The following SGCG variants were observed in gnomAD, a reference collection of about 807,000 sequenced individuals.
SGCG encodes gamma-sarcoglycan.
A neutral mutation model predicts 29.3 loss-of-function variants in SGCG; 26 were observed. The ratio of observed to expected loss-of-function variants is 0.89; its 90% CI spans 0.65 to 1.23. The LOEUF (loss-of-function observed/expected upper bound fraction) is 1.23, where lower values mean the gene tolerates loss of function less well. SGCG is among the 50% of genes most tolerant of loss of function. The pLI is 0.00. For missense variants in SGCG, 353 were observed against 356.0 expected, an observed-to-expected ratio of 0.99 and a Z score of 0.07; for synonymous variants, 145 against 129.7, an observed-to-expected ratio of 1.12 and a Z score of -0.80.
At chr13:23,240,722 A>G (rs1432875375) in intron 3 of SGCG, among the ~76,000 whole-genome samples, 1 of 152,190 alleles carries the variant, frequency 6.6e-6, no homozygotes, top group Admixed American at 6.5e-5. Context: ...ACCATGGGTC[A>G]AAGAAGAAAT....
At chr13:23,165,119 T>C in the SGCG span, among the ~76,000 whole-genome samples, 1 of 152,188 alleles carries the variant, frequency 6.6e-6, no homozygotes, top group African/African-American at 2.4e-5. Flanking sequence ...TATGACTAGT[T>C]TATTAGAAAC....
chr13:23,281,936 C>T (rs912586129), intron 5 of SGCG, among the ~76,000 whole-genome samples: 2 of 152,202 alleles, frequency 1.3e-5, no homozygotes, highest in African/African-American at 4.8e-5. Context: ...TTCAAGTTAT[C>T]CTTTTAAAGG....
At chr13:23,258,509 C>T (rs2149327) in intron 4 of SGCG, among the ~76,000 whole-genome samples, 54,473 of 151,932 alleles carry the variant, frequency 0.36, 10,504 homozygotes, top group South Asian at 0.5. Flanking sequence ...ACAATTTGAC[C>T]TCCTCTTTTC....
At chr13:23,175,576 T>A in the SGCG span, among the ~76,000 whole-genome samples, 1 of 152,180 alleles carries the variant, frequency 6.6e-6, no homozygotes, top group Non-Finnish European at 1.5e-5. Flanking sequence ...AAATTTTAGG[T>A]AGTACTCTAT....
intron 6 of SGCG, among the ~76,000 whole-genome samples, chr13:23,311,431 G>C (rs1341118760): frequency 6.6e-6 from 1 of 152,214 alleles, no homozygotes; most frequent in African/African-American, 2.4e-5. Flanking sequence ...CTAGAGGGTA[G>C]AGGTTTTTCA....
chr13:23,269,425 A>C (rs1316411500), intron 4 of SGCG, among the ~76,000 whole-genome samples: 7 of 152,196 alleles, frequency 4.6e-5, no homozygotes, highest in Non-Finnish European at 7.4e-5. Flanking sequence ...AGATATAGTC[A>C]AGAAAGTGTG....
chr13:23,197,790 G>T (rs1877571090), intron 1 of SGCG, among the ~76,000 whole-genome samples: 1 of 152,126 alleles, frequency 6.6e-6, no homozygotes, highest in African/African-American at 2.4e-5. Flanking sequence ...AAAGACAATG[G>T]TTAAATAAGC....
intron 2 of SGCG, among the ~76,000 whole-genome samples, chr13:23,208,042 T>G (rs1878047106): frequency 6.6e-6 from 1 of 152,146 alleles, no homozygotes; most frequent in African/African-American, 2.4e-5. Context: ...AAAGAAGTAA[T>G]ACGTCTATAA....
intron 4 of SGCG, chr13:23,269,183 A>G (rs1160637817): frequency 6.6e-6 from 1 of 152,228 alleles, no homozygotes; most frequent in Non-Finnish European, 1.5e-5. Flanking sequence ...CATTCCAAGG[A>G]TAATGCTGAA....
chr13:23,285,991 C>T (rs1426990555), intron 5 of SGCG, among the ~76,000 whole-genome samples: 2 of 152,176 alleles, frequency 1.3e-5, no homozygotes, highest in African/African-American at 2.4e-5. Context: ...GTTGGAAATG[C>T]AGAAATCACC....
intron 4 of SGCG, among the ~76,000 whole-genome samples, chr13:23,276,426 G>GTTTTATT (rs757414154): frequency 3.0e-5 from 2 of 65,862 alleles, no homozygotes; most frequent in South Asian, 6.5e-4. Context: ...TTCTTTTTTA[G>GTTTTATT]TTTTCTTTTT....
chr13:23,179,668 A>G (rs9510611), upstream of SGCG, among the ~76,000 whole-genome samples: 29,089 of 152,204 alleles, frequency 0.19, 3,245 homozygotes, highest in Admixed American at 0.3. Flanking sequence ...AATTCATGAA[A>G]GGTTTTAAAA....
At chr13:23,218,904 A>G (rs1374610092) in intron 2 of SGCG, among the ~76,000 whole-genome samples, 1 of 148,448 alleles carries the variant, frequency 6.7e-6, no homozygotes, top group East Asian at 1.9e-4. Flanking sequence ...AGCCAAAATA[A>G]CAATATAAAT....
intron 2 of SGCG, among the ~76,000 whole-genome samples, chr13:23,215,058 T>G (rs930302141): frequency 6.6e-6 from 1 of 152,214 alleles, no homozygotes; most frequent in African/African-American, 2.4e-5. Context: ...ATTTTCTCTT[T>G]TATTATAATT....
chr13:23,208,058 C>T (rs1287026315), intron 2 of SGCG, among the ~76,000 whole-genome samples: 1 of 151,958 alleles, frequency 6.6e-6, no homozygotes, highest in Non-Finnish European at 1.5e-5. Flanking sequence ...TATAAAAGAA[C>T]TTTTTTGAGC....
At chr13:23,177,819 T>C (rs913785779), upstream of SGCG, among the ~76,000 whole-genome samples, 17 of 151,956 alleles carry the variant, frequency 1.1e-4, no homozygotes, top group African/African-American at 3.9e-4. Context: ...CCTCAAGTGA[T>C]CTGCTCACCT....
At chr13:23,253,268 A>C (rs1429030091) in intron 4 of SGCG, among the ~76,000 whole-genome samples, 1 of 152,144 alleles carries the variant, frequency 6.6e-6, no homozygotes, top group African/African-American at 2.4e-5. Flanking sequence ...AAAATAAGTT[A>C]CACATCAAAA....
At chr13:23,274,395 CTTT>C (rs869153381) in intron 4 of SGCG, among the ~76,000 whole-genome samples, 35 of 85,222 alleles carry the variant, frequency 4.1e-4, no homozygotes, top group African/African-American at 5.1e-4. Context: ...CTTTCTTTCT[CTTT>C]TTTTTTTTTT....
At chr13:23,274,490 C>T (rs1444015019) in intron 4 of SGCG, among the ~76,000 whole-genome samples, 3 of 149,878 alleles carry the variant, frequency 2.0e-5, no homozygotes, top group Non-Finnish European at 3.0e-5. Context: ...GCAAGCTCCA[C>T]CCCCCAGGTG....
Sources: allele counts gnomAD v4.1 joint callset (sites outside exome capture counted in the v4.1 genomes callset), GRCh38; gene constraint gnomAD v4.1.1; transcripts MANE v1.5; gene names NCBI Gene and HGNC (gene_info 2026-07-23, HGNC 2026-07-21).